The following SGCZ variants were observed in gnomAD, a reference collection of about 807,000 sequenced individuals.
The protein encoded by SGCZ is sarcoglycan zeta.
Under a neutral mutation model 41.3 loss-of-function variants are expected in SGCZ, and 40 were observed. The ratio of observed to expected loss-of-function variants is 0.97; its 90% CI spans 0.75 to 1.26. The LOEUF (loss-of-function observed/expected upper bound fraction) is 1.26. SGCZ is among the 50% of genes most tolerant of loss of function. The probability of loss-of-function intolerance (pLI) is 0.00; values close to 1 mark genes in which losing one functional copy is unlikely to be tolerated. For synonymous variants in SGCZ, 206 were observed against 137.5 expected, an observed-to-expected ratio of 1.50 and a Z score of -3.49; for missense variants, 552 against 369.8, an observed-to-expected ratio of 1.49 and a Z score of -4.04.
intron 1 of SGCZ, among the ~76,000 whole-genome samples, chr8:15,084,567 C>G (rs372328635): frequency 2.6e-5 from 4 of 151,990 alleles, no homozygotes; most frequent in Admixed American, 2.0e-4. Flanking sequence ...CCTGGTGAAC[C>G]ATGGTGAAAC....
At chr8:14,776,279 T>A (rs950140325) in intron 1 of SGCZ, among the ~76,000 whole-genome samples, 3 of 151,998 alleles carry the variant, frequency 2.0e-5, no homozygotes, top group African/African-American at 7.3e-5. Flanking sequence ...ATCATGGGGG[T>A]GGTTTCCCCA....
intron 1 of SGCZ, among the ~76,000 whole-genome samples, chr8:14,806,411 C>T: frequency 6.6e-6 from 1 of 151,010 alleles, no homozygotes; most frequent in Non-Finnish European, 1.5e-5. Context: ...CACCACCGAT[C>T]CCACAGAAAT....
intron 1 of SGCZ, among the ~76,000 whole-genome samples, chr8:14,688,112 A>G (rs970721723): frequency 6.6e-6 from 1 of 152,132 alleles, no homozygotes; most frequent in African/African-American, 2.4e-5. Context: ...TCAGATGAGT[A>G]GGTTGCGAAA....
chr8:14,126,445 CAGAATGGCTAT>C (rs1338661532), intron 5 of SGCZ, among the ~76,000 whole-genome samples: 5 of 147,678 alleles, frequency 3.4e-5, no homozygotes, highest in African/African-American at 1.3e-4. Flanking sequence ...TTATGCCAGT[CAGAATGGCTAT>C]TATTAAAAAG....
chr8:14,375,029 G>A (rs910291442), intron 2 of SGCZ, among the ~76,000 whole-genome samples: 3 of 152,132 alleles, frequency 2.0e-5, no homozygotes, highest in African/African-American at 7.2e-5. Flanking sequence ...ATGAAGCACT[G>A]AGTTTGGTTT....
At chr8:14,585,646 T>C (rs1191662936) in intron 1 of SGCZ, among the ~76,000 whole-genome samples, 1 of 152,140 alleles carries the variant, frequency 6.6e-6, no homozygotes, top group East Asian at 1.9e-4. Context: ...ATCAGACTCA[T>C]TCTCTGAAAG....
intron 1 of SGCZ, among the ~76,000 whole-genome samples, chr8:14,647,917 G>T (rs1004576449): frequency 5.3e-5 from 8 of 151,900 alleles, no homozygotes; most frequent in Non-Finnish European, 8.8e-5. Flanking sequence ...TCTTGTTTGG[G>T]TATTCCTCCA....
At chr8:14,578,297 C>T (rs575771759) in intron 1 of SGCZ, among the ~76,000 whole-genome samples, 2 of 152,332 alleles carry the variant, frequency 1.3e-5, no homozygotes, top group African/African-American at 4.8e-5. Context: ...ACATCTAGGC[C>T]TCCTCAGCCT....
intron 1 of SGCZ, among the ~76,000 whole-genome samples, chr8:14,700,163 C>T (rs537847152): frequency 3.3e-5 from 5 of 151,884 alleles, no homozygotes; most frequent in Middle Eastern, 3.4e-3. Flanking sequence ...CTAGAACGCT[C>T]GCTGCAGCAA....
intron 3 of SGCZ, among the ~76,000 whole-genome samples, chr8:14,312,814 A>G (rs1801592583): frequency 6.6e-6 from 1 of 152,224 alleles, no homozygotes; most frequent in African/African-American, 2.4e-5. Flanking sequence ...ATGCAAACAA[A>G]AAAATTATAG....
intron 1 of SGCZ, among the ~76,000 whole-genome samples, chr8:14,912,017 G>A (rs996057896): frequency 2.0e-5 from 3 of 151,882 alleles, no homozygotes; most frequent in African/African-American, 4.8e-5. Context: ...CTATATTCAA[G>A]GTGAAGAGTA....
At chr8:14,290,984 A>T (rs1800820988) in intron 3 of SGCZ, among the ~76,000 whole-genome samples, 1 of 152,156 alleles carries the variant, frequency 6.6e-6, no homozygotes, top group Non-Finnish European at 1.5e-5. Context: ...TATTGTAAAT[A>T]TGTACCATGA....
chr8:14,982,878 T>C (rs985434665), intron 1 of SGCZ, among the ~76,000 whole-genome samples: 1 of 152,216 alleles, frequency 6.6e-6, no homozygotes, highest in African/African-American at 2.4e-5. Context: ...CAAACTTTTA[T>C]TAGCATTTAC....
chr8:15,023,031 G>A (rs896944385), intron 1 of SGCZ, among the ~76,000 whole-genome samples: 1 of 152,044 alleles, frequency 6.6e-6, no homozygotes, highest in Non-Finnish European at 1.5e-5. Context: ...TCATCCTTTT[G>A]TCTGATTAGT....
intron 2 of SGCZ, among the ~76,000 whole-genome samples, chr8:14,355,361 T>C (rs1803256294): frequency 6.6e-6 from 1 of 152,114 alleles, no homozygotes; most frequent in African/African-American, 2.4e-5. Context: ...ATGTCAACAG[T>C]AGTAGCTAGA....
At chr8:15,211,323 C>T (rs1315318993) in intron 1 of SGCZ, among the ~76,000 whole-genome samples, 1 of 151,608 alleles carries the variant, frequency 6.6e-6, no homozygotes, top group Non-Finnish European at 1.5e-5. Flanking sequence ...CTAGGGTAGG[C>T]TTCAATTCAC....
In SGCZ at chr8:15,144,754, G is replaced by A. The variant is rs192308914; in HGVS notation, c.39+92831C>T. On this transcript the variant is annotated intron_variant, in intron 1 of 7. Coordinates refer to ENST00000382080, the MANE Select transcript of SGCZ (RefSeq NM_139167.4). The stretch of plus-strand genomic sequence containing the variant: ...TTACAGGCATGAGCAACGGCGCCCA[G>A]CCAACATTCACCTTTTAAAATAAAT... Among the ~76,000 whole-genome samples the A allele has an allele frequency of 1.0e-3, 156 of 152,322 alleles. 3 individuals are homozygous for A. The highest frequency in any genetic ancestry group is 9.4e-3 in the Admixed American group (144 of 15,302).
chr8:14,974,656 A>G (rs1429373312), intron 1 of SGCZ, among the ~76,000 whole-genome samples: 4 of 152,154 alleles, frequency 2.6e-5, no homozygotes, highest in African/African-American at 9.7e-5. Context: ...GTGTAAACAA[A>G]TGTGAGAACC....
intron 2 of SGCZ, among the ~76,000 whole-genome samples, chr8:14,491,012 C>A (rs1416122826): frequency 6.6e-6 from 1 of 152,180 alleles, no homozygotes; most frequent in African/African-American, 2.4e-5. Context: ...TCTCATTCTA[C>A]TAATCAATTT....
Sources: allele counts gnomAD v4.1 joint callset (sites outside exome capture counted in the v4.1 genomes callset), GRCh38; gene constraint gnomAD v4.1.1; transcripts MANE v1.5; gene names NCBI Gene and HGNC (gene_info 2026-07-23, HGNC 2026-07-21).